RRM2: variants seen among roughly 807,000 people sequenced by gnomAD.
RRM2 encodes the protein ribonucleotide reductase regulatory subunit M2, also known as ribonucleoside-diphosphate reductase subunit M2.
Under a neutral mutation model 45.9 loss-of-function variants are expected in RRM2, and 6 were observed. The observed-to-expected ratio is 0.13, with a 90% CI of 0.07 to 0.26. The LOEUF (loss-of-function observed/expected upper bound fraction) is 0.26, where lower values mean the gene tolerates loss of function less well. RRM2 is among the 10% of genes least tolerant of loss of function. The pLI is 1.00. For missense variants in RRM2, 343 were observed against 489.5 expected, an observed-to-expected ratio of 0.70 and a Z score of 2.82; for synonymous variants, 177 against 173.0, an observed-to-expected ratio of 1.02 and a Z score of -0.18.
chr2:10,141,597 T>G, exon 1 of RRM2: 1 of 497,884 alleles, frequency 2.0e-6, no homozygotes, highest in Non-Finnish European at 3.6e-6. Context: ...GGTCTTGGAG[T>G]CAAGAATGCA....
intron 3 of RRM2, among the ~76,000 whole-genome samples, chr2:10,190,451 G>GTA: frequency 1.2e-5 from 1 of 83,890 alleles, no homozygotes; most frequent in African/African-American, 4.1e-5. Context: ...ATGATGATGT[G>GTA]ATGATGGTGG....
intron 3 of RRM2, among the ~76,000 whole-genome samples, chr2:10,193,173 C>T (rs894263848): frequency 6.6e-6 from 1 of 152,206 alleles, no homozygotes; most frequent in Non-Finnish European, 1.5e-5. Context: ...TTCTACCCAG[C>T]TTGGATCTCG....
At chr2:10,141,645 T>G in intron 1 of RRM2, 2 of 637,698 alleles carry the variant, frequency 3.1e-6, no homozygotes, top group Non-Finnish European at 5.3e-6. Context: ...GAGGAGGGTA[T>G]GATTAGCTCT....
chr2:10,203,302 C>T (rs1664599503), intron 3 of RRM2, among the ~76,000 whole-genome samples: 1 of 152,216 alleles, frequency 6.6e-6, no homozygotes, highest in Non-Finnish European at 1.5e-5. Context: ...TCGGGCTGGC[C>T]TGGCTGCTCC....
At chr2:10,210,221 C>T in intron 3 of RRM2, 2 of 845,372 alleles carry the variant, frequency 2.4e-6, no homozygotes, top group Admixed American at 4.6e-5. Flanking sequence ...GTTCCGGCTC[C>T]CTAGTGCCCA....
chr2:10,131,901 T>G (rs1482798245), downstream of RRM2, among the ~76,000 whole-genome samples: 2 of 152,328 alleles, frequency 1.3e-5, no homozygotes, highest in African/African-American at 4.8e-5. Flanking sequence ...GTGGGGTTTG[T>G]GAAGCCGGGG....
intron 3 of RRM2, among the ~76,000 whole-genome samples, chr2:10,157,447 G>A (rs954557100): frequency 2.6e-5 from 4 of 152,206 alleles, no homozygotes; most frequent in Admixed American, 2.6e-4. Flanking sequence ...CCTCCAGATG[G>A]AGAAAGAGAA....
rs1367784495 is a variant in RRM2 at position 10,130,110 on chromosome 2, T to C, written c.*724T>C. On this transcript the variant is annotated 3_prime_UTR_variant, in exon 10 of 10. Transcript: ENST00000304567. ...TAGAGTGTTGTGGGATAAAGGAATCTCTCAGGGCAAGGAGCTTCTTAAGTT... is the reference window on the plus strand; with the variant it reads ...TAGAGTGTTGTGGGATAAAGGAATCCCTCAGGGCAAGGAGCTTCTTAAGTT... 1 of 152,178 alleles carries C rather than the reference T, an allele frequency of 6.6e-6. No homozygotes were observed. Among genetic ancestry groups the C allele is most frequent in the African/African-American group, 2.4e-5 (1 of 41,448 alleles). The allele number at this position is 152,178 out of a possible 1,614,324, so 9.4% of individuals were successfully genotyped here. A position where few individuals can be genotyped will look rare whatever the true frequency, so the allele number is the denominator to read the frequency against.
intron 3 of RRM2, among the ~76,000 whole-genome samples, chr2:10,156,707 C>T (rs761152431): frequency 6.6e-6 from 1 of 152,218 alleles, no homozygotes; most frequent in Non-Finnish European, 1.5e-5. Context: ...GGTGCAACCT[C>T]AGCTCCCTGT....
chr2:10,146,789 G>A (rs1007973768), intron 3 of RRM2, among the ~76,000 whole-genome samples: 10 of 152,236 alleles, frequency 6.6e-5, no homozygotes, highest in Non-Finnish European at 1.5e-4. Context: ...CCTTGCCCCC[G>A]TTTTGAGCAC....
chr2:10,152,855 C>T (rs1028893087), intron 3 of RRM2, among the ~76,000 whole-genome samples: 19 of 151,862 alleles, frequency 1.3e-4, no homozygotes, highest in Middle Eastern at 6.8e-3. Context: ...GTGGGGGTGT[C>T]GATTGGTACA....
intron 3 of RRM2, among the ~76,000 whole-genome samples, chr2:10,166,061 G>A (rs1572512228): frequency 6.6e-6 from 1 of 152,204 alleles, no homozygotes; most frequent in African/African-American, 2.4e-5. Context: ...TCGTCACAGG[G>A]GCTCTGGACG....
chr2:10,141,551 CTG>C, exon 1 of RRM2: 1 of 407,876 alleles, frequency 2.5e-6, no homozygotes, highest in Non-Finnish European at 4.6e-6. Flanking sequence ...TGGCTATTAA[CTG>C]TGGTTGTGCT....
At chr2:10,145,274 C>G (rs923459884) in intron 3 of RRM2, among the ~76,000 whole-genome samples, 2 of 152,034 alleles carry the variant, frequency 1.3e-5, no homozygotes, top group Non-Finnish European at 2.9e-5. Flanking sequence ...AAGTCCATCC[C>G]GAAAGTTGTA....
At chr2:10,194,498 G>T (rs1431820641) in intron 3 of RRM2, among the ~76,000 whole-genome samples, 1 of 152,212 alleles carries the variant, frequency 6.6e-6, no homozygotes, top group East Asian at 1.9e-4. Context: ...GTGCAGGGCA[G>T]GTTGTGTTAC....
intron 3 of RRM2, among the ~76,000 whole-genome samples, chr2:10,147,146 T>C (rs1035932856): frequency 2.0e-5 from 3 of 151,934 alleles, no homozygotes; most frequent in Non-Finnish European, 4.4e-5. Flanking sequence ...AGACATGGGG[T>C]TTCACCTTGT....
rs561857599 is a variant in RRM2, at chr2:10,205,317, C to T, written n.483-4994C>T. Among the ~76,000 whole-genome samples, 3 of 152,300 alleles carry T rather than the reference C, an allele frequency of 2.0e-5. No homozygotes were observed. The highest frequency in any genetic ancestry group is 4.1e-4 in the South Asian group (2 of 4,826). On this transcript the variant is annotated intron_variant and non_coding_transcript_variant, in intron 3 of 3. Transcript: ENST00000381786. This position sits in a 1 kb window ranked among gnomAD's most constrained non-coding sequence, Gnocchi z 4.8. ...CTGTGATATCTGCGGCCAGTGCCCT[C>T]GGTATGTCCCACTCAGCATCCTCCC...
At chr2:10,193,674 G>C (rs919059484) in intron 3 of RRM2, among the ~76,000 whole-genome samples, 1 of 152,150 alleles carries the variant, frequency 6.6e-6, no homozygotes, top group Non-Finnish European at 1.5e-5. Flanking sequence ...AGTCATGAAC[G>C]TAACAGGTTC....
At chr2:10,147,171 T>C (rs1448776422) in intron 3 of RRM2, among the ~76,000 whole-genome samples, 1 of 152,170 alleles carries the variant, frequency 6.6e-6, no homozygotes, top group Non-Finnish European at 1.5e-5. Context: ...CAGGATGGAC[T>C]TGATCTCTCG....
Sources: gnomAD v4.1 joint callset for allele counts (sites outside exome capture counted in the v4.1 genomes callset) on GRCh38, gnomAD v4.1.1 for gene constraint, Gnocchi (gnomAD v3.1) non-coding constraint, MANE v1.5 for transcripts, NCBI Gene and HGNC (gene_info 2026-07-23, HGNC 2026-07-21) for gene names.